COL8A1: variants seen among roughly 807,000 people sequenced by gnomAD.
The protein encoded by COL8A1 is collagen type VIII alpha 1 chain.
A neutral mutation model predicts 42.7 loss-of-function variants in COL8A1; 21 were observed. That is an observed-to-expected ratio of 0.49 (90% CI 0.35 to 0.71). The LOEUF (loss-of-function observed/expected upper bound fraction) is 0.71, where lower values mean the gene tolerates loss of function less well. Ranked by LOEUF, COL8A1 falls within the 30% of genes least tolerant of loss-of-function variation. The pLI is 0.01. For missense variants in COL8A1, 788 were observed against 962.4 expected (o/e 0.82, Z 2.40); for synonymous variants, 367 against 369.1 (o/e 0.99, Z 0.06).
chr3:99,662,983 T>C (rs528025913), intron 1 of COL8A1, among the ~76,000 whole-genome samples: 51 of 152,230 alleles, frequency 3.4e-4, no homozygotes, highest in Non-Finnish European at 6.3e-4. Flanking sequence ...GATATCATGT[T>C]TTCACTCCCG....
intron 2 of COL8A1, among the ~76,000 whole-genome samples, chr3:99,767,840 G>A (rs1431447942): frequency 6.6e-6 from 1 of 152,148 alleles, no homozygotes; most frequent in Non-Finnish European, 1.5e-5. Flanking sequence ...TAATACTAAT[G>A]ATAATAAAGT....
chr3:99,740,021 C>T (rs957447832), intron 1 of COL8A1, among the ~76,000 whole-genome samples: 6 of 152,202 alleles, frequency 3.9e-5, no homozygotes, highest in Admixed American at 6.5e-5. Flanking sequence ...CAAAGTTCCA[C>T]AAATCTCTAG....
intron 1 of COL8A1, among the ~76,000 whole-genome samples, chr3:99,658,536 C>T (rs1360990757): frequency 1.3e-5 from 2 of 152,168 alleles, no homozygotes; most frequent in Non-Finnish European, 2.9e-5. Context: ...AGCCTGTAAA[C>T]CAAGTTACAG....
At chr3:99,758,211 A>C (rs889045318) in intron 2 of COL8A1, among the ~76,000 whole-genome samples, 1 of 152,194 alleles carries the variant, frequency 6.6e-6, no homozygotes, top group African/African-American at 2.4e-5. Context: ...TCCAGGATTC[A>C]AGAACTTTTG....
intron 2 of COL8A1, among the ~76,000 whole-genome samples, chr3:99,781,555 T>C (rs1941793822): frequency 6.6e-6 from 1 of 152,214 alleles, no homozygotes; most frequent in Non-Finnish European, 1.5e-5. Flanking sequence ...TATAGTTGTG[T>C]GCTCTAAATA....
At chr3:99,765,573 C>T (rs773700745) in intron 2 of COL8A1, among the ~76,000 whole-genome samples, 6 of 152,186 alleles carry the variant, frequency 3.9e-5, no homozygotes, top group Non-Finnish European at 7.3e-5. Context: ...CTCCCAAATT[C>T]GTCCCCAGGC....
At chr3:99,750,234 T>G (rs950132350) in intron 2 of COL8A1, among the ~76,000 whole-genome samples, 4 of 151,850 alleles carry the variant, frequency 2.6e-5, no homozygotes, top group Non-Finnish European at 4.4e-5. Flanking sequence ...TTTTTGTATT[T>G]TTAGTAGAGA....
intron 1 of COL8A1, among the ~76,000 whole-genome samples, chr3:99,739,778 C>G (rs1434201145): frequency 3.3e-5 from 5 of 152,164 alleles, no homozygotes; most frequent in Admixed American, 3.3e-4. Flanking sequence ...ATGAAGGTCT[C>G]TGACATACTC....
At chr3:99,733,812 T>A (rs76671209) in intron 1 of COL8A1, among the ~76,000 whole-genome samples, 26,191 of 150,930 alleles carry the variant, frequency 0.17, 2,393 homozygotes, top group South Asian at 0.22. Flanking sequence ...CAGCACCTGT[T>A]GTTTCCTGAC....
intron 1 of COL8A1, among the ~76,000 whole-genome samples, chr3:99,720,874 G>A (rs1471669960): frequency 6.6e-6 from 1 of 152,080 alleles, no homozygotes; most frequent in Non-Finnish European, 1.5e-5. Context: ...TTAGAAGGAT[G>A]GTGAGGAGTT....
chr3:99,639,146 A>G (rs1331454752), intron 1 of COL8A1, among the ~76,000 whole-genome samples: 1 of 152,224 alleles, frequency 6.6e-6, no homozygotes, highest in Non-Finnish European at 1.5e-5. Flanking sequence ...CCTTTAAAAA[A>G]ATATCTTTCC....
chr3:99,732,680 CT>C (rs1940553374), intron 1 of COL8A1, among the ~76,000 whole-genome samples: 1 of 152,162 alleles, frequency 6.6e-6, no homozygotes. Context: ...CATTCTGCCC[CT>C]GGCCCCTCCC....
intron 1 of COL8A1, among the ~76,000 whole-genome samples, chr3:99,662,381 C>A (rs369597897): frequency 7.3e-3 from 915 of 125,512 alleles, no homozygotes; most frequent in East Asian, 9.7e-3. Context: ...GACTTTGTCT[C>A]AAAAAAAAAA....
intron 1 of COL8A1, among the ~76,000 whole-genome samples, chr3:99,722,630 A>C (rs898754672): frequency 2.6e-5 from 4 of 152,080 alleles, no homozygotes; most frequent in Non-Finnish European, 5.9e-5. Flanking sequence ...TATTCATAGA[A>C]TTGTTGAGTA....
chr3:99,734,950 TTGTC>T (rs899908696), intron 1 of COL8A1, among the ~76,000 whole-genome samples: 2 of 123,672 alleles, frequency 1.6e-5, no homozygotes, highest in Non-Finnish European at 3.4e-5. Flanking sequence ...GGTTCTCTGT[TTGTC>T]TGCTGTTGCT....
chr3:99,658,123 A>AC (rs1263211916), intron 1 of COL8A1, among the ~76,000 whole-genome samples: 1 of 125,310 alleles, frequency 8.0e-6, no homozygotes, highest in Non-Finnish European at 1.8e-5. Context: ...TCAAAAAAAC[A>AC]AAAAACAAAA....
intron 2 of COL8A1, among the ~76,000 whole-genome samples, chr3:99,786,253 G>A (rs1941893593): frequency 6.6e-6 from 1 of 152,170 alleles, no homozygotes; most frequent in South Asian, 2.1e-4. Flanking sequence ...TACATTGAAT[G>A]TTTATGTCCC....
At chr3:99,684,378 G>C (rs1326823061) in intron 1 of COL8A1, among the ~76,000 whole-genome samples, 1 of 152,202 alleles carries the variant, frequency 6.6e-6, no homozygotes, top group East Asian at 1.9e-4. Flanking sequence ...TACCAAGTTA[G>C]AGTCAGGATT....
intron 1 of COL8A1, among the ~76,000 whole-genome samples, chr3:99,650,481 C>G (rs1434785162): frequency 6.6e-6 from 1 of 152,010 alleles, no homozygotes; most frequent in Non-Finnish European, 1.5e-5. Flanking sequence ...GTAGCCCAAG[C>G]TGGAGTGCAG....
Sources: gnomAD v4.1 joint callset for allele counts (sites outside exome capture counted in the v4.1 genomes callset) on GRCh38, gnomAD v4.1.1 for gene constraint, MANE v1.5 for transcripts, NCBI Gene and HGNC (gene_info 2026-07-23, HGNC 2026-07-21) for gene names.